Variants in PHF12 observed in about 807,000 individuals in gnomAD.
The protein encoded by PHF12 is PHD finger protein 12.
In PHF12, 6 loss-of-function variants were observed where a neutral mutation model predicts 99.8. That is an observed-to-expected ratio of 0.06 (90% confidence interval 0.03 to 0.12). The LOEUF is 0.12. Among genes scored for constraint, PHF12 ranks in the 10% least tolerant of loss-of-function variants. The pLI, the probability that PHF12 is intolerant of heterozygous loss-of-function variation, is 1.00. For missense variants in PHF12, 954 were observed against 1,300.1 expected (o/e 0.73, Z 4.09); for synonymous variants, 480 against 514.9 (o/e 0.93, Z 0.92).
At chr17:28,930,826 T>C in intron 2 of PHF12, among the ~76,000 whole-genome samples, 1 of 152,208 alleles carries the variant, frequency 6.6e-6, no homozygotes, top group East Asian at 1.9e-4. Flanking sequence ...ATACCAGCAC[T>C]TTGTGAGGCC....
intron 6 of PHF12, among the ~76,000 whole-genome samples, chr17:28,918,387 T>A (rs1461346717): frequency 2.0e-5 from 3 of 152,236 alleles, no homozygotes; most frequent in Non-Finnish European, 2.9e-5. Flanking sequence ...AATCTTTGAC[T>A]GGCATGAGTC....
chr17:28,907,486 C>T, intron 13 of PHF12, 104 bp downstream of exon 13: 1 of 1,128,230 alleles, frequency 8.9e-7, no homozygotes, highest in Non-Finnish European at 1.3e-6. Context: ...AAGAGAGGAC[C>T]CCCAATCCCT....
At chr17:28,947,972 C>T (rs1426217675) in intron 2 of PHF12, among the ~76,000 whole-genome samples, 1 of 152,114 alleles carries the variant, frequency 6.6e-6, no homozygotes, top group Admixed American at 6.6e-5. Context: ...CTTCTTTCTC[C>T]TTTCATCTAA....
rs573962469 is a variant in PHF12 at position 28,909,896 on chromosome 17, G to A, written c.2359+330C>T. On this transcript the variant is annotated intron_variant, in intron 11 of 14. Transcript: ENST00000332830. ...GTGAGCCACTGCACTCAGTCGGGAAGCCCTTCTAATTCAAATATTTGAAAG... is the reference window on the plus strand; with the variant it reads ...GTGAGCCACTGCACTCAGTCGGGAAACCCTTCTAATTCAAATATTTGAAAG... 1.5e-4 allele frequency: 93 copies of A among 603,602 alleles called. 1 individual carries two copies. Among genetic ancestry groups the A allele is most frequent in the South Asian group, 1.5e-3 (72 of 49,516 alleles). The allele number at this position is 603,602 out of a possible 1,614,324, so 37.4% of individuals were successfully genotyped here.
At chr17:28,917,622 T>G (rs2040086249) in intron 6 of PHF12, among the ~76,000 whole-genome samples, 173 bp from the exon 7 acceptor site, 1 of 152,202 alleles carries the variant, frequency 6.6e-6, no homozygotes, top group Non-Finnish European at 1.5e-5. Flanking sequence ...TGGATGAGAC[T>G]TCCTACTCAG....
intron 2 of PHF12, among the ~76,000 whole-genome samples, chr17:28,942,928 A>G (rs565142642): frequency 6.6e-6 from 1 of 152,300 alleles, no homozygotes; most frequent in South Asian, 2.1e-4. Context: ...GCGACAAGGA[A>G]CTTATATTTA....
chr17:28,910,221 C>T lies in PHF12; in HGVS notation c.2359+5G>A. 1 of 1,614,166 alleles carries T rather than the reference C, an allele frequency of 6.2e-7. No individual in the cohort carries two copies. Among genetic ancestry groups the T allele is most frequent in the Non-Finnish European group, 8.5e-7 (1 of 1,180,030 alleles). On this transcript the variant is annotated splice_donor_5th_base_variant and intron_variant, in intron 11 of 14. Coordinates refer to ENST00000332830, the MANE Select transcript of PHF12 (RefSeq NM_001033561.2). Reference sequence around the variant, plus strand: ...TGATGTGGTGACAGGTGTGTACATGCGCACCTTCTATGTGGTGCCCTCCAG... The same window carrying T: ...TGATGTGGTGACAGGTGTGTACATGTGCACCTTCTATGTGGTGCCCTCCAG...
At chr17:28,930,414 C>T (rs532744250) in intron 2 of PHF12, among the ~76,000 whole-genome samples, 1 of 152,306 alleles carries the variant, frequency 6.6e-6, no homozygotes, top group East Asian at 1.9e-4. Context: ...CTCAATAAAG[C>T]TTTAAAGAAC....
rs1490308188 is a variant in PHF12, at chr17:28,913,901, G to T, written c.1271C>A (p.Ala424Asp). The T allele has an allele frequency of 6.2e-7, 1 of 1,609,914 alleles. No homozygotes were observed. The highest frequency in any genetic ancestry group is 1.1e-5 in the South Asian group (1 of 90,938). ...CACCTCTTGCTGCTCTGCTTGGGTG[G>T]CTAAGTGCTCAGAGTTCAAAAGGTG... ...QMHLLNSEHLATQAEQQEWLC... is the reference protein window; with the variant it reads ...QMHLLNSEHLDTQAEQQEWLC... Residue 424 changes from alanine (A) to aspartate (D), a missense_variant, in exon 8 of 15, where the codon GCC becomes GAC. By Grantham distance (126) the Ala-to-Asp change is moderately radical. Around this residue, in one of 8 missense-constraint regions of PHF12, gnomAD observed 392 missense variants for 423.1 expected, o/e 0.93. Transcript: ENST00000332830.
intron 7 of PHF12, among the ~76,000 whole-genome samples, chr17:28,915,780 T>C (rs2040050842): frequency 6.6e-6 from 1 of 152,246 alleles, no homozygotes; most frequent in African/African-American, 2.4e-5. Flanking sequence ...TCTTCACCAA[T>C]GTTCTATGGT....
At chr17:28,919,416 T>G in intron 5 of PHF12, 141 bp from the exon 6 acceptor site, 1 of 1,003,440 alleles carries the variant, frequency 1.0e-6, no homozygotes, top group Non-Finnish European at 1.4e-6. Flanking sequence ...CTTCCTCCAG[T>G]GATTCAGTTA....
chr17:28,934,863 A>G (rs1188546911), intron 2 of PHF12, among the ~76,000 whole-genome samples: 1 of 152,158 alleles, frequency 6.6e-6, no homozygotes, highest in Non-Finnish European at 1.5e-5. Context: ...TGCCTTCCAA[A>G]GTGCTGAGAT....
chr17:28,908,619 T>C, intron 12 of PHF12, 164 bp downstream of exon 12: 1 of 675,446 alleles, frequency 1.5e-6, no homozygotes, highest in South Asian at 1.9e-5. Flanking sequence ...CGTGACTGGC[T>C]GATTGTCTCT....
intron 5 of PHF12, among the ~76,000 whole-genome samples, chr17:28,920,021 G>T (rs934254363): frequency 6.6e-5 from 10 of 152,116 alleles, no homozygotes; most frequent in African/African-American, 2.4e-4. Context: ...CTTAACTATA[G>T]CAAGAAAATA....
In PHF12 at chr17:28,913,969, G is replaced by A. The variant is rs778328753; in HGVS notation, c.1203C>T (p.Asp401=). 48 of 1,613,714 alleles carry A rather than the reference G, an allele frequency of 3.0e-5. No homozygotes were observed. Among genetic ancestry groups the A allele is most frequent in the African/African-American group, 9.3e-5 (7 of 74,882 alleles). Reference sequence around the variant, plus strand: ...GGATCCCATTGCAGATCAGCTCCCCGTCCCGAATGGCCGCGGGTGCAATGA... The same window carrying A: ...GGATCCCATTGCAGATCAGCTCCCCATCCCGAATGGCCGCGGGTGCAATGA... The part of the protein sequence containing the change: ...PPLIAPAAIR[D]GELICNGIPE... Residue 401 remains aspartate (D), a synonymous_variant, in exon 8 of 15, where the codon GAC becomes GAT. Transcript: ENST00000332830.
rs572017752 is a variant in PHF12 at position 28,905,992 on chromosome 17, C to A, written c.*191G>T. 3 of 591,316 alleles carry A rather than the reference C, an allele frequency of 5.1e-6. No homozygotes were observed. Among genetic ancestry groups the A allele is most frequent in the Non-Finnish European group, 8.4e-6 (3 of 355,348 alleles). 36.6% of individuals were successfully genotyped at this position (591,316 alleles called of 1,614,324 possible). On this transcript the variant is annotated 3_prime_UTR_variant, in exon 15 of 15. Coordinates refer to ENST00000332830, the MANE Select transcript of PHF12 (RefSeq NM_001033561.2). ...TTGAGTACAAATATATGTGCAAATG[C>A]CCCCTAGAACTTGAGAAAAGAAAAA...
chr17:28,915,575 G>A (rs1313609572), intron 7 of PHF12, among the ~76,000 whole-genome samples: 1 of 152,080 alleles, frequency 6.6e-6, no homozygotes, highest in Non-Finnish European at 1.5e-5. Flanking sequence ...AGATCACCCA[G>A]GAATGAGAGG....
chr17:28,929,155 ATTGAG>A (rs1329954060), intron 2 of PHF12, among the ~76,000 whole-genome samples: 2 of 151,428 alleles, frequency 1.3e-5, no homozygotes, highest in Non-Finnish European at 2.9e-5. Context: ...AATTCCTACC[ATTGAG>A]TTCTTGGCTA....
chr17:28,908,689 C>T, intron 12 of PHF12, 94 bp downstream of exon 12: 1 of 1,245,776 alleles, frequency 8.0e-7, no homozygotes, highest in East Asian at 2.4e-5. Flanking sequence ...CTGGAAAGGG[C>T]TTCCCTCACC....
Sources: allele counts gnomAD v4.1 joint callset (sites outside exome capture counted in the v4.1 genomes callset), GRCh38; gene constraint gnomAD v4.1.1; regional missense constraint gnomAD v4.1.1; transcripts MANE v1.5; gene names NCBI Gene and HGNC (gene_info 2026-07-23, HGNC 2026-07-21).